Variants in KCNN2 observed in about 807,000 individuals in gnomAD.
The protein encoded by KCNN2 is small conductance calcium-activated potassium channel protein 2.
KCNN2 carries 24 observed loss-of-function variants against 55.5 expected under a neutral mutation model. The ratio of observed to expected loss-of-function variants is 0.43; its 90% CI spans 0.31 to 0.61. The LOEUF (loss-of-function observed/expected upper bound fraction) is 0.61, where lower values mean the gene tolerates loss of function less well. Ranked by LOEUF, KCNN2 falls within the 20% of genes least tolerant of loss-of-function variation. The probability of loss-of-function intolerance (pLI) is 0.08; values close to 1 mark genes in which losing one functional copy is unlikely to be tolerated. For missense variants in KCNN2, 754 were observed against 853.6 expected, an observed-to-expected ratio of 0.88 and a Z score of 1.45; for synonymous variants, 431 against 336.1, an observed-to-expected ratio of 1.28 and a Z score of -3.09.
At chr5:114,221,396 C>T (rs1754135079) in intron 1 of KCNN2, among the ~76,000 whole-genome samples, 1 of 152,134 alleles carries the variant, frequency 6.6e-6, no homozygotes, top group Admixed American at 6.5e-5. Context: ...AACTCAACCT[C>T]AGATTATACA....
chr5:114,097,243 A>G (rs990066438), intron 1 of KCNN2, among the ~76,000 whole-genome samples: 17 of 152,236 alleles, frequency 1.1e-4, no homozygotes, highest in African/African-American at 3.4e-4. Context: ...CATGATGGAA[A>G]GTAATCATGG....
chr5:114,154,232 G>A (rs543742208), intron 1 of KCNN2, among the ~76,000 whole-genome samples: 2 of 152,146 alleles, frequency 1.3e-5, no homozygotes, highest in African/African-American at 4.8e-5. Flanking sequence ...AATAAAAAGA[G>A]AGCAAAGGGA....
intron 2 of KCNN2, among the ~76,000 whole-genome samples, chr5:114,227,456 AC>A (rs1024842721): frequency 1.3e-5 from 2 of 152,058 alleles, no homozygotes; most frequent in African/African-American, 4.8e-5. Context: ...TCTTACTCTT[AC>A]CCCCTTCTGG....
At position 114,202,285 on chromosome 5, in the gene KCNN2, G is replaced by C. The variant is rs150262107; in HGVS notation, c.-270-19195G>C. ...AGGCATAAGGATCTAGTGGGCTGAGGGTTTCTCTCACAGCCGAGATCATTA... is the reference window on the plus strand; with the variant it reads ...AGGCATAAGGATCTAGTGGGCTGAGCGTTTCTCTCACAGCCGAGATCATTA... On this transcript the variant is annotated intron_variant, in intron 1 of 10. Transcript: ENST00000512097. 6.7e-3 allele frequency among the ~76,000 whole-genome samples: 1,024 copies of C among 151,906 alleles called. 5 individuals are homozygous for C. Among genetic ancestry groups the C allele is most frequent in the Middle Eastern group, 0.021 (6 of 292 alleles).
At chr5:114,430,946 G>A (rs1010462668) in intron 3 of KCNN2, among the ~76,000 whole-genome samples, 8 of 152,110 alleles carry the variant, frequency 5.3e-5, no homozygotes, top group Middle Eastern at 6.8e-3. Flanking sequence ...AATAAATTCC[G>A]TTTAATTGTG....
chr5:114,277,308 A>T (rs1388327967), intron 2 of KCNN2, among the ~76,000 whole-genome samples: 1 of 151,906 alleles, frequency 6.6e-6, no homozygotes, highest in African/African-American at 2.4e-5. Context: ...TCTGACAATT[A>T]TGTGTCTTGG....
chr5:114,356,574 A>G (rs190303034), intron 2 of KCNN2, among the ~76,000 whole-genome samples: 165 of 152,236 alleles, frequency 1.1e-3, no homozygotes, highest in African/African-American at 3.8e-3. Flanking sequence ...CTAGCTGAGA[A>G]ACGGTAGGAG....
chr5:114,375,233 A>G (rs2150053200), intron 2 of KCNN2, among the ~76,000 whole-genome samples: 1 of 152,246 alleles, frequency 6.6e-6, no homozygotes, highest in South Asian at 2.1e-4. Context: ...AGAAATTGAT[A>G]GTAGAGTGTT....
intron 1 of KCNN2, among the ~76,000 whole-genome samples, chr5:114,080,563 G>A (rs755756240): frequency 3.9e-5 from 6 of 151,946 alleles, no homozygotes; most frequent in Non-Finnish European, 8.8e-5. Context: ...TGACAAACTC[G>A]TTGATATATA....
At chr5:114,113,653 G>C (rs1751650594) in intron 1 of KCNN2, among the ~76,000 whole-genome samples, 2 of 152,130 alleles carry the variant, frequency 1.3e-5, no homozygotes, top group African/African-American at 2.4e-5. Flanking sequence ...TTATGGACAT[G>C]TGACAAGGCA....
chr5:114,348,335 A>G (rs545289864), intron 2 of KCNN2, among the ~76,000 whole-genome samples: 1 of 151,852 alleles, frequency 6.6e-6, no homozygotes, highest in East Asian at 1.9e-4. Flanking sequence ...TGACGAGTTA[A>G]TGGGTGCAGC....
intron 2 of KCNN2, among the ~76,000 whole-genome samples, chr5:114,258,538 G>C (rs922008097): frequency 6.6e-6 from 1 of 151,974 alleles, no homozygotes; most frequent in Non-Finnish European, 1.5e-5. Context: ...TGGTTTGCTC[G>C]AGATTTCTAT....
intron 3 of KCNN2, among the ~76,000 whole-genome samples, chr5:114,434,930 T>C (rs1759950888): frequency 6.6e-6 from 1 of 152,150 alleles, no homozygotes; most frequent in African/African-American, 2.4e-5. Flanking sequence ...GTAAAATAAT[T>C]TCCTATGAGG....
In KCNN2 at chr5:114,307,697, C is replaced by G. The variant is rs573830877; in HGVS notation, c.-184-53248C>G. 5.0e-4 allele frequency among the ~76,000 whole-genome samples: 76 copies of G among 152,272 alleles called. 1 individual carries two copies. The South Asian group carries it at 8.1e-3, about 16-fold the overall frequency. ...CTGGAAATAGTCAGGGGTGAGTTCT[C>G]TGATCGTATATAATAAATTCATTCT... On this transcript the variant is annotated intron_variant, in intron 2 of 10. Coordinates refer to the KCNN2 transcript ENST00000512097.
chr5:114,470,736 A>T (rs1412362585), intron 4 of KCNN2, among the ~76,000 whole-genome samples: 1 of 152,204 alleles, frequency 6.6e-6, no homozygotes, highest in Non-Finnish European at 1.5e-5. Flanking sequence ...AGTCAGTCAA[A>T]TGACTCTTAT....
rs648725 is a variant in KCNN2, at chr5:114,350,844, T to C, written c.-184-10101T>C. On this transcript the variant is annotated intron_variant, in intron 2 of 10. Transcript: ENST00000512097. ...TCTATGTTATGCCATTACCACACTA[T>C]CTTGATTACTATACCTTTGCAGTAA... 2.8e-3 allele frequency among the ~76,000 whole-genome samples: 424 copies of C among 151,994 alleles called. 1 individual carries two copies. The highest frequency in any genetic ancestry group is 9.1e-3 in the African/African-American group (379 of 41,546).
intron 2 of KCNN2, among the ~76,000 whole-genome samples, chr5:114,261,337 A>G (rs1449299660): frequency 6.6e-6 from 1 of 152,158 alleles, no homozygotes; most frequent in East Asian, 1.9e-4. Context: ...CAGCAAACCC[A>G]CAGCCCAACA....
At chr5:114,240,567 G>T (rs13180013) in intron 2 of KCNN2, among the ~76,000 whole-genome samples, 59,163 of 151,352 alleles carry the variant, frequency 0.39, 12,148 homozygotes, top group Middle Eastern at 0.53. Flanking sequence ...GAGTAGCTGG[G>T]CTCACAGGTG....
chr5:114,420,559 T>G lies in KCNN2; in HGVS notation c.1637+15703T>G, dbSNP rs765241390. ...TAGGAGTCTCTACTAAGACCTCTTA[T>G]GAAGTTTGCCTGCTATCTCTCTTAA... On this transcript the variant is annotated intron_variant, in intron 3 of 7. Coordinates refer to ENST00000673685, the MANE Select transcript of KCNN2 (RefSeq NM_021614.4). Among the ~76,000 whole-genome samples the G allele has an allele frequency of 2.3e-4, 35 of 152,218 alleles. 1 individual carries two copies. The highest frequency in any genetic ancestry group is 2.0e-3 in the Admixed American group (30 of 15,286).
Sources: allele counts gnomAD v4.1 joint callset (sites outside exome capture counted in the v4.1 genomes callset), GRCh38; gene constraint gnomAD v4.1.1; transcripts MANE v1.5; gene names NCBI Gene and HGNC (gene_info 2026-07-23, HGNC 2026-07-21).